Variants in GLIS3 observed in about 807,000 individuals in gnomAD.
GLIS3 encodes the protein GLIS family zinc finger 3.
GLIS3 carries 53 observed loss-of-function variants against 78.6 expected under a neutral mutation model. The observed-to-expected ratio is 0.67, with a 90% CI of 0.54 to 0.85. GLIS3 has a LOEUF of 0.85. Ranked by LOEUF, GLIS3 falls within the 40% of genes least tolerant of loss-of-function variation. The probability of loss-of-function intolerance (pLI) is 0.00; values close to 1 mark genes in which losing one functional copy is unlikely to be tolerated. For missense variants in GLIS3, 1,703 were observed against 1,231.1 expected, an observed-to-expected ratio of 1.38 and a Z score of -5.74; for synonymous variants, 684 against 509.9, an observed-to-expected ratio of 1.34 and a Z score of -4.60.
At chr9:4,204,733 C>T (rs1031389418) in intron 2 of GLIS3, among the ~76,000 whole-genome samples, 2 of 152,044 alleles carry the variant, frequency 1.3e-5, no homozygotes, top group African/African-American at 2.4e-5. Flanking sequence ...GCCTGGGCAA[C>T]TCAAACCGTG....
rs185282622 is a variant in GLIS3 at position 4,126,351 on chromosome 9, T to A, written c.389-410A>T. Among the ~76,000 whole-genome samples the A allele has an allele frequency of 2.4e-3, 360 of 152,330 alleles. 1 individual carries two copies. Among genetic ancestry groups the A allele is most frequent in the Non-Finnish European group, 4.1e-3 (280 of 68,026 alleles). ...TTGACACTACTGGAAAAAACCTGTT[T>A]AACTGGTTTACTTCATTCCAAATCT... is the stretch of plus-strand genomic sequence containing the variant. On this transcript the variant is annotated intron_variant, in intron 2 of 10. Coordinates refer to ENST00000381971, the MANE Select transcript of GLIS3 (RefSeq NM_001042413.2).
chr9:3,868,834 TACATAGTGTTGTATACAACACTTGTTG>T (rs1452501092), intron 8 of GLIS3, among the ~76,000 whole-genome samples: 2 of 1,346 alleles, frequency 1.5e-3, no homozygotes, highest in African/African-American at 2.8e-3. Flanking sequence ...ACACTTGTTG[TACATAGTGTTGTATACAACACTTGTTG>T]TACATAGTCT....
At chr9:4,009,712 G>T (rs1821840693) in intron 4 of GLIS3, among the ~76,000 whole-genome samples, 2 of 152,186 alleles carry the variant, frequency 1.3e-5, no homozygotes, top group Non-Finnish European at 2.9e-5. Flanking sequence ...CAAATGTCAG[G>T]CACCACCAGA....
chr9:4,009,670 G>T (rs1434862323), intron 4 of GLIS3, among the ~76,000 whole-genome samples: 5 of 152,192 alleles, frequency 3.3e-5, no homozygotes, highest in Non-Finnish European at 7.3e-5. Flanking sequence ...GAGCAAAGAG[G>T]AGAAACAAGA....
At chr9:4,186,033 G>C (rs1354286037) in intron 2 of GLIS3, among the ~76,000 whole-genome samples, 1 of 151,652 alleles carries the variant, frequency 6.6e-6, no homozygotes, top group Non-Finnish European at 1.5e-5. Context: ...TTAAGTTTTA[G>C]GGTACATGTG....
the GLIS3 span, among the ~76,000 whole-genome samples, chr9:4,356,497 G>T: frequency 6.6e-6 from 1 of 152,208 alleles, no homozygotes; most frequent in Admixed American, 6.5e-5. Context: ...CCTGGACAAT[G>T]GGAATGACTG....
At chr9:4,331,279 C>T (rs1446319212) in intron 2 of GLIS3, among the ~76,000 whole-genome samples, 4 of 152,136 alleles carry the variant, frequency 2.6e-5, no homozygotes, top group African/African-American at 9.7e-5. Flanking sequence ...ACAGGGCCTT[C>T]TTTTGTGCGT....
intron 4 of GLIS3, among the ~76,000 whole-genome samples, chr9:4,102,688 T>A (rs573498763): frequency 6.6e-6 from 1 of 152,294 alleles, no homozygotes; most frequent in East Asian, 1.9e-4. Context: ...GGATAGTATA[T>A]CTTACTAGAG....
intron 4 of GLIS3, among the ~76,000 whole-genome samples, chr9:4,028,993 T>C (rs114607789): frequency 6.5e-4 from 99 of 152,242 alleles, no homozygotes; most frequent in African/African-American, 1.8e-3. Flanking sequence ...TGGTCCTTGA[T>C]TGAGAAGTAG....
At chr9:4,462,696 G>C in the GLIS3 span, among the ~76,000 whole-genome samples, 1 of 151,808 alleles carries the variant, frequency 6.6e-6, no homozygotes, top group Non-Finnish European at 1.5e-5. Context: ...TGTAGTCCCA[G>C]CTACACAGGA....
chr9:3,979,347 G>T (rs1266326499), intron 4 of GLIS3, among the ~76,000 whole-genome samples: 1 of 152,154 alleles, frequency 6.6e-6, no homozygotes, highest in Non-Finnish European at 1.5e-5. Flanking sequence ...CAGTGGTGTA[G>T]CCAAAGTTGT....
At chr9:4,455,413 G>A in the GLIS3 span, among the ~76,000 whole-genome samples, 7 of 152,108 alleles carry the variant, frequency 4.6e-5, no homozygotes, top group African/African-American at 1.4e-4. Flanking sequence ...GATGGAAGTG[G>A]AAGGGCAAGA....
At chr9:4,302,643 AAC>A (rs2130493926), upstream of GLIS3, among the ~76,000 whole-genome samples, 1 of 152,334 alleles carries the variant, frequency 6.6e-6, no homozygotes, top group South Asian at 2.1e-4. Context: ...AAGCTCAGTA[AAC>A]AGTTAAAGAG....
the GLIS3 span, among the ~76,000 whole-genome samples, chr9:4,414,029 C>T: frequency 6.6e-6 from 1 of 152,086 alleles, no homozygotes; most frequent in Non-Finnish European, 1.5e-5. Flanking sequence ...AAGCCAGAAC[C>T]ATGCCATATT....
At position 4,082,572 on chromosome 9, in the gene GLIS3, G is replaced by A. The variant is rs530293757; in HGVS notation, c.1710+35196C>T. The stretch of plus-strand genomic sequence containing the variant: ...CAGGCATGCTTCTCATTTATTACAC[G>A]AAGCTGAAATCTTCTGACAGTCCAT... On this transcript the variant is annotated intron_variant, in intron 4 of 10. Transcript: ENST00000381971. 3.3e-5 allele frequency among the ~76,000 whole-genome samples: 5 copies of A among 152,190 alleles called. No homozygotes were observed. The South Asian group carries it at 6.2e-4, about 19-fold the overall frequency.
the GLIS3 span, among the ~76,000 whole-genome samples, chr9:4,403,739 G>T: frequency 4.6e-5 from 7 of 151,940 alleles, no homozygotes; most frequent in East Asian, 5.8e-4. Context: ...AAAATAAAAA[G>T]CAAGAAATTA....
the GLIS3 span, among the ~76,000 whole-genome samples, chr9:4,470,208 T>A: frequency 2.0e-5 from 3 of 152,184 alleles, no homozygotes; most frequent in Non-Finnish European, 2.9e-5. Context: ...CTTCTGAAAC[T>A]ATTCCAATCA....
intron 4 of GLIS3, among the ~76,000 whole-genome samples, chr9:4,057,148 G>A (rs773536437): frequency 3.2e-4 from 49 of 152,048 alleles, no homozygotes; most frequent in Admixed American, 5.2e-4. Flanking sequence ...TAAGGAACCA[G>A]AAGTAGAGAG....
rs142008799 is a variant in GLIS3, at chr9:3,935,537, T to C, written c.1872+1491A>G. Among the ~76,000 whole-genome samples the C allele has an allele frequency of 2.0e-5, 3 of 152,232 alleles. No homozygotes were observed. In the East Asian group the frequency reaches 5.8e-4, roughly 29 times the overall value. On this transcript the variant is annotated intron_variant, in intron 5 of 10. Transcript: ENST00000381971. ...GAGGGCAGTGCGAAACCATAACACT[T>C]AGCCTCGCAACAGTTCTTGCAACCT... is the stretch of plus-strand genomic sequence containing the variant.
Sources: gnomAD v4.1 joint callset for allele counts (sites outside exome capture counted in the v4.1 genomes callset) on GRCh38, gnomAD v4.1.1 for gene constraint, MANE v1.5 for transcripts, NCBI Gene and HGNC (gene_info 2026-07-23, HGNC 2026-07-21) for gene names.